TGFBR3: variants seen among roughly 807,000 people sequenced by gnomAD.
TGFBR3 encodes the protein transforming growth factor beta receptor 3, also known as transforming growth factor beta receptor type 3.
A neutral mutation model predicts 87.9 loss-of-function variants in TGFBR3; 46 were observed. That is an observed-to-expected ratio of 0.52 (90% CI 0.41 to 0.67). The LOEUF is 0.67. TGFBR3 is among the 30% of genes least tolerant of loss of function. The pLI is 0.00. For missense variants in TGFBR3, 866 were observed against 1,041.9 expected, an observed-to-expected ratio of 0.83 and a Z score of 2.32; for synonymous variants, 381 against 391.6, an observed-to-expected ratio of 0.97 and a Z score of 0.32.
chr1:91,697,179 T>C (rs1671461841), intron 15 of TGFBR3, among the ~76,000 whole-genome samples: 1 of 152,190 alleles, frequency 6.6e-6, no homozygotes, highest in African/African-American at 2.4e-5. Flanking sequence ...AAATTGAACA[T>C]GATTACAAGT....
Position 91,690,305 on chromosome 1 carries a change from C to T in TGFBR3, c.2437+5367G>A, listed in dbSNP as rs1157477704. ...TGCCCTTCCTAATCCAGGAAGAAGA[C>T]GGGAATTTTACTCTCTTAAGAGGAG... On this transcript the variant is annotated intron_variant, in intron 16 of 16. Transcript: ENST00000212355. 5.3e-5 allele frequency among the ~76,000 whole-genome samples: 8 copies of T among 152,012 alleles called. No homozygotes were observed. In the East Asian group the frequency reaches 1.5e-3, roughly 29 times the overall value.
intron 3 of TGFBR3, among the ~76,000 whole-genome samples, chr1:91,778,174 AAC>A (rs77897332): frequency 1.3e-5 from 2 of 151,762 alleles, no homozygotes; most frequent in African/African-American, 4.8e-5. Context: ...AAAAAAAAAA[AAC>A]ACACATAAGA....
rs1805109 is a variant in TGFBR3, at chr1:91,861,569, C to T, written c.-38G>A. 159,994 of 1,524,980 alleles carry T rather than the reference C, an allele frequency of 0.1. 11,178 individuals are homozygous for T. The highest frequency in any genetic ancestry group is 0.42 in the East Asian group (18,479 of 44,460). The allele number at this position is 1,524,980 out of a possible 1,614,324, so 94.5% of individuals were successfully genotyped here. On this transcript the variant is annotated 5_prime_UTR_variant, in exon 2 of 17. Coordinates refer to ENST00000212355, the MANE Select transcript of TGFBR3 (RefSeq NM_003243.5). ...AACAGTGCGTCTCGTCCAGTCACTT[C>T]AGCCTGCTCAGAGCACAGACAATCT...
chr1:91,846,489 T>A (rs1677504436), intron 2 of TGFBR3, among the ~76,000 whole-genome samples: 1 of 152,176 alleles, frequency 6.6e-6, no homozygotes, highest in Admixed American at 6.5e-5. Context: ...GCAGGCTGCT[T>A]GGATCAGGCT....
chr1:91,812,945 TGTG>T (rs1676080023), intron 2 of TGFBR3, among the ~76,000 whole-genome samples: 2 of 152,288 alleles, frequency 1.3e-5, no homozygotes, highest in South Asian at 4.1e-4. Flanking sequence ...TTTTCATACT[TGTG>T]GGTTTTTTTC....
intron 2 of TGFBR3, among the ~76,000 whole-genome samples, chr1:91,841,420 A>G (rs572013692): frequency 6.6e-6 from 1 of 152,342 alleles, no homozygotes; most frequent in South Asian, 2.1e-4. Context: ...TACTGCCTTC[A>G]TTCCTGCTGA....
intron 4 of TGFBR3, among the ~76,000 whole-genome samples, chr1:91,741,040 C>T (rs1303688013): frequency 1.3e-5 from 2 of 152,310 alleles, no homozygotes; most frequent in South Asian, 2.1e-4. Flanking sequence ...GTTTTTCCCA[C>T]ACCAACTAAT....
At chr1:91,883,794 T>C (rs1279643732) in intron 1 of TGFBR3, among the ~76,000 whole-genome samples, 3 of 145,448 alleles carry the variant, frequency 2.1e-5, no homozygotes, top group South Asian at 2.1e-4. Flanking sequence ...AAAAAAACGC[T>C]CAAGCCTTGA....
rs767528294 is a variant in TGFBR3 at position 91,716,411 on chromosome 1, A to C, written c.1708-17T>G. The C allele has an allele frequency of 6.2e-7, 1 of 1,614,192 alleles. No individual in the cohort carries two copies. The highest frequency in any genetic ancestry group is 2.2e-5 in the East Asian group (1 of 44,876). ...GCAATTAAACTGGAAATAACAACCCACAGGAAGATTAATGACAGTCATATG... is the reference window on the plus strand; with the variant it reads ...GCAATTAAACTGGAAATAACAACCCCCAGGAAGATTAATGACAGTCATATG... On this transcript the variant is annotated splice_polypyrimidine_tract_variant and intron_variant, in intron 11 of 16. Coordinates refer to ENST00000212355, the MANE Select transcript of TGFBR3 (RefSeq NM_003243.5).
intron 16 of TGFBR3, among the ~76,000 whole-genome samples, chr1:91,685,810 T>A (rs1671073221): frequency 6.6e-6 from 1 of 152,120 alleles, no homozygotes. Flanking sequence ...CTCTTAACTA[T>A]TCTGAGGTCA....
rs548099980 is a variant in TGFBR3, at chr1:91,886,032, C to T, written c.-268G>A. On this transcript the variant is annotated 5_prime_UTR_variant, in exon 1 of 17. Coordinates refer to ENST00000212355, the MANE Select transcript of TGFBR3 (RefSeq NM_003243.5). ...CCGGACCCGCTGGGGACTCTCACCTCCTGCAGGGAGCTCCGGGAATCGCGC... is the reference window on the plus strand; with the variant it reads ...CCGGACCCGCTGGGGACTCTCACCTTCTGCAGGGAGCTCCGGGAATCGCGC... 66 of 454,054 alleles carry T rather than the reference C, an allele frequency of 1.5e-4. No individual in the cohort carries two copies. Among genetic ancestry groups the T allele is most frequent in the African/African-American group, 1.1e-3 (54 of 50,134 alleles). 28.1% of individuals were successfully genotyped at this position (454,054 alleles called of 1,614,324 possible).
At chr1:91,876,833 A>T (rs1040731404) in intron 1 of TGFBR3, among the ~76,000 whole-genome samples, 3 of 152,180 alleles carry the variant, frequency 2.0e-5, no homozygotes, top group African/African-American at 7.2e-5. Flanking sequence ...AAAATCTGAA[A>T]GCCAACAGAA....
At chr1:91,694,608 A>G (rs1305855348) in intron 16 of TGFBR3, among the ~76,000 whole-genome samples, 1 of 152,228 alleles carries the variant, frequency 6.6e-6, no homozygotes, top group Non-Finnish European at 1.5e-5. Context: ...TGACTCTCCA[A>G]AATATCCTTC....
At chr1:91,877,190 T>A (rs1678840986) in intron 1 of TGFBR3, among the ~76,000 whole-genome samples, 1 of 152,210 alleles carries the variant, frequency 6.6e-6, no homozygotes, top group African/African-American at 2.4e-5. Flanking sequence ...CCTCTCCTTT[T>A]CCTAGCCTAC....
intron 2 of TGFBR3, among the ~76,000 whole-genome samples, chr1:91,838,386 T>G (rs72969176): frequency 0.015 from 2,226 of 152,002 alleles, 60 homozygotes; most frequent in African/African-American, 0.051. Context: ...GTATCTTTCA[T>G]GAAAAACAAC....
chr1:91,814,013 G>C (rs919087268), intron 2 of TGFBR3, among the ~76,000 whole-genome samples: 1 of 152,152 alleles, frequency 6.6e-6, no homozygotes, highest in Non-Finnish European at 1.5e-5. Flanking sequence ...TCACTCACCC[G>C]CTGCTCACCT....
chr1:91,842,611 T>C (rs1677326890), intron 2 of TGFBR3, among the ~76,000 whole-genome samples: 1 of 152,240 alleles, frequency 6.6e-6, no homozygotes, highest in South Asian at 2.1e-4. Flanking sequence ...TTCCCCAACC[T>C]GCTTTTTCTC....
At chr1:91,786,320 G>A (rs1571508946) in intron 3 of TGFBR3, 1 of 452,190 alleles carries the variant, frequency 2.2e-6, no homozygotes, top group Non-Finnish European at 4.4e-6. Flanking sequence ...AAGAATCAGG[G>A]TCTAAAGCTG....
At chr1:91,796,758 T>C (rs910922582) in intron 3 of TGFBR3, among the ~76,000 whole-genome samples, 3 of 152,126 alleles carry the variant, frequency 2.0e-5, no homozygotes, top group African/African-American at 7.2e-5. Context: ...CTGCTCTATC[T>C]CCCAGGCTGG....
Sources: allele counts gnomAD v4.1 joint callset (sites outside exome capture counted in the v4.1 genomes callset), GRCh38; gene constraint gnomAD v4.1.1; transcripts MANE v1.5; gene names NCBI Gene and HGNC (gene_info 2026-07-23, HGNC 2026-07-21).